TANK: variants seen among roughly 807,000 people sequenced by gnomAD.
The protein encoded by TANK is TRAF family member associated NFKB activator.
In TANK, 15 loss-of-function variants were observed where a neutral mutation model predicts 43.6. That is an observed-to-expected ratio of 0.34 (90% CI 0.23 to 0.53). The LOEUF (loss-of-function observed/expected upper bound fraction) is 0.53. Among genes scored for constraint, TANK ranks in the 20% least tolerant of loss-of-function variants. The probability of loss-of-function intolerance (pLI) is 0.94; values close to 1 mark genes in which losing one functional copy is unlikely to be tolerated. For synonymous variants in TANK, 162 were observed against 178.2 expected, an observed-to-expected ratio of 0.91 and a Z score of 0.73; for missense variants, 417 against 498.6, an observed-to-expected ratio of 0.84 and a Z score of 1.56.
chr2:161,203,634 C>T, intron 3 of TANK, 39 bp downstream of exon 3: 2 of 1,363,754 alleles, frequency 1.5e-6, no homozygotes, highest in Non-Finnish European at 2.1e-6. Flanking sequence ...TCTAGAACCT[C>T]TTGGTGAAAA....
chr2:161,228,470 G>T (rs911545987), intron 6 of TANK, among the ~76,000 whole-genome samples: 3 of 152,214 alleles, frequency 2.0e-5, no homozygotes, highest in Non-Finnish European at 4.4e-5. Context: ...GGCAGAGGTT[G>T]CGGTGAGCCA....
chr2:161,140,066 A>G (rs1683698625), intron 1 of TANK: 2 of 390,006 alleles, frequency 5.1e-6, no homozygotes, highest in Non-Finnish European at 7.0e-6. Context: ...ATTAGTCTAT[A>G]TTTTTATTTT....
intron 4 of TANK, among the ~76,000 whole-genome samples, chr2:161,221,933 T>C (rs1456528623): frequency 6.6e-6 from 1 of 151,952 alleles, no homozygotes; most frequent in Non-Finnish European, 1.5e-5. Flanking sequence ...CCTTAAGGAG[T>C]CCTCCTTTAC....
At chr2:161,195,195 C>G (rs901554416) in intron 2 of TANK, among the ~76,000 whole-genome samples, 2 of 152,152 alleles carry the variant, frequency 1.3e-5, no homozygotes, top group African/African-American at 4.8e-5. Context: ...TGAGCAGCTA[C>G]TATGTATCCG....
At chr2:161,200,908 GTTAA>G (rs1311585791) in intron 2 of TANK, 1 of 175,670 alleles carries the variant, frequency 5.7e-6, no homozygotes, top group Non-Finnish European at 1.1e-5. Context: ...TCTTTAACAA[GTTAA>G]TTAGTTTGTT....
upstream of TANK, chr2:161,156,200 T>G (rs1221956986): frequency 1.0e-6 from 1 of 985,312 alleles, no homozygotes; most frequent in Admixed American, 6.1e-5. Context: ...TTGTCACCTA[T>G]TTGTACTTTC....
At chr2:161,191,089 A>G (rs1685895018) in intron 2 of TANK, among the ~76,000 whole-genome samples, 1 of 152,182 alleles carries the variant, frequency 6.6e-6, no homozygotes, top group African/African-American at 2.4e-5. Context: ...TTCTTCTCTC[A>G]GTGTTTCTTC....
intron 2 of TANK, among the ~76,000 whole-genome samples, chr2:161,200,780 C>G (rs753954695): frequency 4.4e-5 from 6 of 137,756 alleles, no homozygotes; most frequent in Admixed American, 1.7e-4. Context: ...CATATCTGTT[C>G]CTCTGATATT....
rs1687900613 is a variant in TANK, at chr2:161,231,354, A to G, written c.904A>G (p.Asn302Asp). Reference sequence around the variant, plus strand: ...TGACCCCATAGCTTCAGCTATACAAAACCTTAAAACAACTGACAAAACAAA... The same window carrying G: ...TGACCCCATAGCTTCAGCTATACAAGACCTTAAAACAACTGACAAAACAAA... ...GIDPIASAIQ[N>D]LKTTDKTKPS... The change falls in exon 7 of 8, where the codon AAC becomes GAC. Residue 302 changes from asparagine (N) to aspartate (D), a missense_variant. Transcript: ENST00000392749. 1 of 1,614,192 alleles carries G rather than the reference A, an allele frequency of 6.2e-7. No homozygotes were observed. Among genetic ancestry groups the G allele is most frequent in the South Asian group, 1.1e-5 (1 of 91,088 alleles).
At chr2:161,186,206 A>G (rs567819879) in intron 2 of TANK, among the ~76,000 whole-genome samples, 4 of 152,304 alleles carry the variant, frequency 2.6e-5, no homozygotes, top group African/African-American at 7.2e-5. Flanking sequence ...TAAAACAACG[A>G]AAGTCCTTCC....
chr2:161,190,485 C>T (rs1259791561), intron 2 of TANK, among the ~76,000 whole-genome samples: 1 of 152,150 alleles, frequency 6.6e-6, no homozygotes, highest in Non-Finnish European at 1.5e-5. Context: ...AGCAAGGACT[C>T]AATTGGATAT....
In TANK at chr2:161,202,292, T is replaced by G. The variant is rs556037801; in HGVS notation, c.100-1195T>G. On this transcript the variant is annotated intron_variant, in intron 2 of 7. Transcript: ENST00000392749. ...GCAAGCTCCGCCTCCCGGGTTCACA[T>G]CATTCTCCTGCCTCAGCCTCCCAAG... Among the ~76,000 whole-genome samples, 12 of 144,058 alleles carry G rather than the reference T, an allele frequency of 8.3e-5. No homozygotes were observed. The South Asian group carries it at 2.9e-3, about 35-fold the overall frequency. 94.5% of individuals were successfully genotyped at this position (144,058 alleles called of 152,430 possible).
intron 4 of TANK, among the ~76,000 whole-genome samples, chr2:161,218,689 G>A (rs774177800): frequency 5.3e-5 from 8 of 152,164 alleles, no homozygotes; most frequent in Non-Finnish European, 1.0e-4. Flanking sequence ...TGTGATTTCA[G>A]TTAAATAAGT....
intron 1 of TANK, among the ~76,000 whole-genome samples, chr2:161,176,606 A>C (rs1328061484): frequency 6.6e-6 from 1 of 152,176 alleles, no homozygotes; most frequent in East Asian, 1.9e-4. Flanking sequence ...CACCTTCTCG[A>C]TAGAACAGAC....
chr2:161,170,490 GA>G (rs1684896357), intron 1 of TANK, among the ~76,000 whole-genome samples: 1 of 152,186 alleles, frequency 6.6e-6, no homozygotes, highest in South Asian at 2.1e-4. Context: ...ATCACTATGG[GA>G]AAAAAGGCAA....
intron 4 of TANK, among the ~76,000 whole-genome samples, chr2:161,213,194 C>T (rs931217275): frequency 1.3e-5 from 2 of 152,028 alleles, no homozygotes; most frequent in African/African-American, 4.8e-5. Context: ...TTAGGCCCCA[C>T]CTCCAACATT....
rs373983665 is a variant in TANK at position 161,172,306 on chromosome 2, G to A, written c.-49-7308G>A. On this transcript the variant is annotated intron_variant, in intron 1 of 7. Transcript: ENST00000392749. ...GTGCTATAAGGTGGTACAATAATGC[G>A]TATTGCTTTTCTCTATTGTTTTCTT... Among the ~76,000 whole-genome samples, 23 of 147,538 alleles carry A rather than the reference G, an allele frequency of 1.6e-4. No individual in the cohort carries two copies. The South Asian group carries it at 3.8e-3, about 25-fold the overall frequency.
chr2:161,179,931 T>A, intron 2 of TANK, 170 bp downstream of exon 2: 1 of 1,277,716 alleles, frequency 7.8e-7, no homozygotes, highest in Non-Finnish European at 9.9e-7. Context: ...TGTTGTTTTT[T>A]TTAAAAATAT....
At chr2:161,230,571 A>C (rs1161237147) in intron 6 of TANK, among the ~76,000 whole-genome samples, 1 of 152,234 alleles carries the variant, frequency 6.6e-6, no homozygotes. Context: ...ACCTAATTTT[A>C]GATATACCTA....
Sources: gnomAD v4.1 joint callset for allele counts (sites outside exome capture counted in the v4.1 genomes callset) on GRCh38, gnomAD v4.1.1 for gene constraint, MANE v1.5 for transcripts, NCBI Gene and HGNC (gene_info 2026-07-23, HGNC 2026-07-21) for gene names.